Variants in CDH23 observed in about 807,000 individuals in gnomAD.
CDH23 encodes the protein cadherin related 23.
A neutral mutation model predicts 317.1 loss-of-function variants in CDH23; 189 were observed. The observed-to-expected ratio is 0.60, with a 90% confidence interval of 0.53 to 0.67. CDH23 has a LOEUF of 0.67. Among genes scored for constraint, CDH23 ranks in the 30% least tolerant of loss-of-function variants. The probability of loss-of-function intolerance (pLI) is 0.00; values close to 1 mark genes in which losing one functional copy is unlikely to be tolerated. For missense variants in CDH23, 4,401 were observed against 4,592.4 expected (o/e 0.96, Z 1.20); for synonymous variants, 1,839 against 1,876.8 (o/e 0.98, Z 0.52).
intron 6 of CDH23, among the ~76,000 whole-genome samples, chr10:71,522,576 T>C (rs1341950827): frequency 6.6e-6 from 1 of 152,182 alleles, no homozygotes; most frequent in South Asian, 2.1e-4. Context: ...ATCAAATGCA[T>C]GTGGTGCTGA....
intron 1 of CDH23, among the ~76,000 whole-genome samples, chr10:71,422,985 C>T (rs942215708): frequency 6.6e-6 from 1 of 151,994 alleles, no homozygotes; most frequent in African/African-American, 2.4e-5. Context: ...CTTGGCCTCC[C>T]TCTTTCCCTC....
At chr10:71,490,912 A>G (rs559345486) in intron 3 of CDH23, among the ~76,000 whole-genome samples, 149 of 152,298 alleles carry the variant, frequency 9.8e-4, no homozygotes, top group African/African-American at 3.2e-3. Context: ...ACACAAGCAA[A>G]TCTAGCTGCA....
At chr10:71,814,336 G>A (rs916297109) in intron 69 of CDH23, among the ~76,000 whole-genome samples, 1 of 152,244 alleles carries the variant, frequency 6.6e-6, no homozygotes, top group Non-Finnish European at 1.5e-5. Flanking sequence ...GATCACTTGA[G>A]CCCAGGAGTC....
chr10:71,617,879 C>A (rs1413037145), intron 11 of CDH23, among the ~76,000 whole-genome samples: 1 of 151,798 alleles, frequency 6.6e-6, no homozygotes, highest in African/African-American at 2.4e-5. Flanking sequence ...GTAATCCCAG[C>A]TACGTGAGAG....
intron 27 of CDH23, among the ~76,000 whole-genome samples, chr10:71,710,683 A>G (rs948774907): frequency 6.6e-6 from 1 of 152,250 alleles, no homozygotes; most frequent in Non-Finnish European, 1.5e-5. Flanking sequence ...TGCCCACTGC[A>G]GCCTTGGAGG....
rs994509559 is a variant in CDH23, at chr10:71,677,389, C to T, written c.1515-67C>T. On this transcript the variant is annotated intron_variant, in intron 15 of 69. Coordinates refer to ENST00000224721, the MANE Select transcript of CDH23 (RefSeq NM_022124.6). ...TGGGCAAGGACAGGCTGGGAAATGC[C>T]GGCCCCATCAACAAGCCTGTTTTAA... 55 of 1,292,578 alleles carry T rather than the reference C, an allele frequency of 4.3e-5. No homozygotes were observed. In the Admixed American group the frequency reaches 7.2e-4, roughly 17 times the overall value. The allele number at this position is 1,292,578 out of a possible 1,614,324, so 80.1% of individuals were successfully genotyped here. A position where few individuals can be genotyped will look rare whatever the true frequency, so the allele number is the denominator to read the frequency against.
At chr10:71,705,453 G>A (rs572085533) in intron 25 of CDH23, among the ~76,000 whole-genome samples, 1 of 152,286 alleles carries the variant, frequency 6.6e-6, no homozygotes, top group African/African-American at 2.4e-5. Context: ...GGACCCTCAG[G>A]GTCATGAACA....
At position 71,734,229 on chromosome 10, in the gene CDH23, C is replaced by G; in HGVS notation, c.4105-11C>G. 1 of 1,601,218 alleles carries G rather than the reference C, an allele frequency of 6.2e-7. No homozygotes were observed. The highest frequency in any genetic ancestry group is 8.5e-7 in the Non-Finnish European group (1 of 1,173,862). On this transcript the variant is annotated splice_polypyrimidine_tract_variant and intron_variant, in intron 32 of 69. Transcript: ENST00000224721. ...ATGTTGTCACTCACCCATCTGGCCC[C>G]TTCCCTGCAGGGTGTGATCACAGTC...
intron 3 of CDH23, among the ~76,000 whole-genome samples, chr10:71,462,484 GT>G (rs936579121): frequency 1.3e-5 from 2 of 152,210 alleles, no homozygotes; most frequent in Non-Finnish European, 2.9e-5. Context: ...GTCCTCAAGA[GT>G]GAATGGTCAA....
chr10:71,768,564 C>A (rs1182482401), intron 38 of CDH23, among the ~76,000 whole-genome samples: 1 of 152,150 alleles, frequency 6.6e-6, no homozygotes, highest in Non-Finnish European at 1.5e-5. Flanking sequence ...TAACCTCGAA[C>A]TCATGGGCTC....
At position 71,789,057 on chromosome 10, in the gene CDH23, C is replaced by T. The variant is rs1275447227; in HGVS notation, c.5923+15C>T. On this transcript the variant is annotated intron_variant, in intron 45 of 69. Coordinates refer to ENST00000224721, the MANE Select transcript of CDH23 (RefSeq NM_022124.6). ...CTCTCCCGCTGGTAGGTGCTGGGCC[C>T]ACCCGGGAGCTCCTGCTGTTGCCAG... 3.9e-6 allele frequency: 5 copies of T among 1,285,610 alleles called. No individual in the cohort carries two copies. Among genetic ancestry groups the T allele is most frequent in the Non-Finnish European group, 5.7e-6 (5 of 881,112 alleles). 79.6% of individuals were successfully genotyped at this position (1,285,610 alleles called of 1,614,324 possible).
At chr10:71,725,776 T>C (rs1257582605) in intron 30 of CDH23, among the ~76,000 whole-genome samples, 2 of 152,154 alleles carry the variant, frequency 1.3e-5, no homozygotes, top group African/African-American at 4.8e-5. Flanking sequence ...ATGAAAGAGG[T>C]GTCCTTACTG....
intron 29 of CDH23, 143 bp from the exon 30 acceptor site, chr10:71,725,229 C>A: frequency 6.8e-7 from 1 of 1,459,972 alleles, no homozygotes; most frequent in Non-Finnish European, 9.6e-7. Context: ...TTCCTCTCCA[C>A]TGTGAATTCT....
At chr10:71,719,091 A>C (rs1484098050) in intron 28 of CDH23, among the ~76,000 whole-genome samples, 1 of 152,050 alleles carries the variant, frequency 6.6e-6, no homozygotes, top group South Asian at 2.1e-4. Context: ...AAAATAAAAA[A>C]TAAAAAAAAA....
chr10:71,478,683 C>T (rs1320341334), intron 3 of CDH23, among the ~76,000 whole-genome samples: 1 of 152,162 alleles, frequency 6.6e-6, no homozygotes, highest in Non-Finnish European at 1.5e-5. Flanking sequence ...TCCCCTGCCC[C>T]CTCCCATCTA....
At chr10:71,493,103 CA>C (rs1427984294) in intron 3 of CDH23, among the ~76,000 whole-genome samples, 7 of 152,294 alleles carry the variant, frequency 4.6e-5, no homozygotes, top group African/African-American at 1.4e-4. Context: ...CCAGACAGCT[CA>C]TTGCGTGGGG....
At chr10:71,669,450 CTT>C (rs200193327) in intron 14 of CDH23, among the ~76,000 whole-genome samples, 4 of 143,360 alleles carry the variant, frequency 2.8e-5, no homozygotes, top group Admixed American at 7.0e-5. Context: ...CCCATTCTGA[CTT>C]TTTTTTTTTT....
rs1410360369 is a variant in CDH23, at chr10:71,566,903, C to A, written c.591C>A (p.Thr197=). Residue 197 remains threonine, a synonymous_variant, in exon 7 of 70, where the codon ACC becomes ACA. Transcript: ENST00000224721. ...TGATCCGGGAGCTGGACTACGAGAC[C>A]ACACAGGCCTACCAGCTCACGGTCA... ...VTVIRELDYE[T]TQAYQLTVNA... The A allele has an allele frequency of 3.1e-6, 5 of 1,613,564 alleles. No homozygotes were observed. The highest frequency in any genetic ancestry group is 4.2e-6 in the Non-Finnish European group (5 of 1,179,864).
In CDH23 at chr10:71,798,550, G is replaced by A. The variant is rs746329116; in HGVS notation, c.7026G>A (p.Gly2342=). Residue 2342 remains glycine (G), a synonymous_variant, in exon 50 of 70, where the codon GGG becomes GGA. Coordinates refer to ENST00000224721, the MANE Select transcript of CDH23 (RefSeq NM_022124.6). ...TYTLLDLVPP[G]YVQLEDSSAG... The stretch of plus-strand genomic sequence containing the variant: ...CCCTGCTGGACCTGGTGCCCCCAGG[G>A]TATGTCCAGCTGGAGGACTCCTCGG... 6.2e-7 allele frequency: 1 copy of A among 1,612,774 alleles called. No individual in the cohort carries two copies. Among genetic ancestry groups the A allele is most frequent in the Non-Finnish European group, 8.5e-7 (1 of 1,179,256 alleles).
Sources: gnomAD v4.1 joint callset for allele counts (sites outside exome capture counted in the v4.1 genomes callset) on GRCh38, gnomAD v4.1.1 for gene constraint, MANE v1.5 for transcripts, NCBI Gene and HGNC (gene_info 2026-07-23, HGNC 2026-07-21) for gene names.